ADI1: variants seen among roughly 807,000 people sequenced by gnomAD.
ADI1 encodes the protein acireductone dioxygenase.
ADI1 carries 21 observed loss-of-function variants against 18.7 expected under a neutral mutation model. The observed-to-expected ratio is 1.13, with a 90% CI of 0.80 to 1.62. The LOEUF (loss-of-function observed/expected upper bound fraction) is 1.62, where lower values mean the gene tolerates loss of function less well. Ranked by LOEUF, ADI1 falls within the 40% of genes most tolerant of loss-of-function variation. ADI1 has a pLI of 0.00. For missense variants in ADI1, 245 were observed against 254.9 expected (o/e 0.96, Z 0.26); for synonymous variants, 90 against 100.1 (o/e 0.90, Z 0.60).
rs1667415844 is a variant in ADI1 at position 3,516,644 on chromosome 2, A to T, written c.121-2668T>A. On this transcript the variant is annotated intron_variant, in intron 1 of 3. Coordinates refer to ENST00000327435, the MANE Select transcript of ADI1 (RefSeq NM_018269.4). Reference sequence around the variant, plus strand: ...TGGACTTCTTAGCCTCTAGAACTATAAGAATTCTATAAATTGCTGTTGTTT... The same window carrying T: ...TGGACTTCTTAGCCTCTAGAACTATTAGAATTCTATAAATTGCTGTTGTTT... 3 of 823,344 alleles carry T rather than the reference A, an allele frequency of 3.6e-6. No individual in the cohort carries two copies. The African/African-American group carries it at 5.6e-5, about 15-fold the overall frequency. The allele number at this position is 823,344 out of a possible 1,614,324, so 51.0% of individuals were successfully genotyped here.
intron 1 of ADI1, chr2:3,516,173 G>A: frequency 9.8e-6 from 5 of 507,756 alleles, no homozygotes; most frequent in Non-Finnish European, 1.3e-5. Flanking sequence ...CTCATTTATA[G>A]GATTAGTGGC....
chr2:3,500,857 G>A lies in ADI1; in HGVS notation c.377C>T (p.Thr126Met), dbSNP rs752197674. 9.3e-6 allele frequency: 15 copies of A among 1,614,042 alleles called. No individual in the cohort carries two copies. The highest frequency in any genetic ancestry group is 6.6e-5 in the South Asian group (6 of 91,080). The change falls in exon 3 of 4, where the codon ACG (threonine) becomes ATG (methionine). Residue 126 changes from threonine (T) to methionine (M), a missense_variant. Coordinates refer to ENST00000327435, the MANE Select transcript of ADI1 (RefSeq NM_018269.4). ...GCGGTGATAGATCCCCGCGGGGAGC[G>A]TCACCATGTCTCCCTTCTCCATGAA... ...RIFMEKGDMVTLPAGIYHRFT... is the reference protein window; with the variant it reads ...RIFMEKGDMVMLPAGIYHRFT...
At chr2:3,510,228 C>G (rs946620438) in intron 2 of ADI1, among the ~76,000 whole-genome samples, 3 of 151,488 alleles carry the variant, frequency 2.0e-5, no homozygotes, top group African/African-American at 7.3e-5. Context: ...AGTGGGAGGA[C>G]TGCTTAAGCC....
At chr2:3,503,344 T>C (rs1667079307) in intron 2 of ADI1, among the ~76,000 whole-genome samples, 1 of 131,068 alleles carries the variant, frequency 7.6e-6, no homozygotes, top group Non-Finnish European at 1.6e-5. Flanking sequence ...CATACACACG[T>C]ACTCACACGC....
Position 3,519,430 on chromosome 2 carries a change from G to A in ADI1, c.58C>T (p.Pro20Ser). 1 of 1,372,964 alleles carries A rather than the reference G, an allele frequency of 7.3e-7. No individual in the cohort carries two copies. Among genetic ancestry groups the A allele is most frequent in the Non-Finnish European group, 9.3e-7 (1 of 1,070,212 alleles). 85.0% of individuals were successfully genotyped at this position (1,372,964 alleles called of 1,614,324 possible). Residue 20 changes from proline to serine, a missense_variant, in exon 1 of 4, where the codon CCC becomes TCC. By Grantham distance (74) the Pro-to-Ser change is moderately conservative (BLOSUM62 -1). Transcript: ENST00000327435. ...AGGCCCACTGGGCGGCCGGGGTCGGGGCGGTGGGGTTGCCGCGGGTCGCCC... is the reference window on the plus strand; with the variant it reads ...AGGCCCACTGGGCGGCCGGGGTCGGAGCGGTGGGGTTGCCGCGGGTCGCCC... ...APGDPRQPHR[P>S]DPGRPVGLEQ...
intron 1 of ADI1, chr2:3,519,166 T>G: frequency 1.4e-6 from 1 of 696,170 alleles, no homozygotes; most frequent in Non-Finnish European, 2.0e-6. Context: ...CAGGAGGCCC[T>G]GACCACCCAG....
Position 3,514,395 on chromosome 2 carries a change from T to C in ADI1, c.121-419A>G, listed in dbSNP as rs564184133. Among the ~76,000 whole-genome samples the C allele has an allele frequency of 9.8e-5, 15 of 152,336 alleles. 1 individual carries two copies. In the East Asian group the frequency reaches 2.3e-3, roughly 23 times the overall value. ...TGTTTCCATGAGCCAAAACATTGTA[T>C]GCTCTCACAGCTTGCAAATAAAACT... On this transcript the variant is annotated intron_variant, in intron 1 of 3. Transcript: ENST00000327435.
chr2:3,507,295 T>G (rs1224734789), intron 2 of ADI1, among the ~76,000 whole-genome samples: 1 of 152,152 alleles, frequency 6.6e-6, no homozygotes, highest in Non-Finnish European at 1.5e-5. Flanking sequence ...TTTCCAAAAT[T>G]AATGACAGAC....
intron 2 of ADI1, among the ~76,000 whole-genome samples, chr2:3,502,755 C>G (rs962626863): frequency 2.6e-5 from 4 of 152,126 alleles, no homozygotes; most frequent in Non-Finnish European, 4.4e-5. Flanking sequence ...CGGCGACAAA[C>G]GGAAATAACT....
At chr2:3,505,781 A>T (rs1667162514) in intron 2 of ADI1, among the ~76,000 whole-genome samples, 1 of 152,170 alleles carries the variant, frequency 6.6e-6, no homozygotes, top group African/African-American at 2.4e-5. Flanking sequence ...TGGTATTAGC[A>T]GGTGGTGTCT....
intron 2 of ADI1, among the ~76,000 whole-genome samples, chr2:3,510,748 T>C (rs1308703055): frequency 6.6e-6 from 1 of 152,216 alleles, no homozygotes; most frequent in East Asian, 1.9e-4. Context: ...AAAAATGGGT[T>C]ACCTGAATAG....
At chr2:3,509,497 T>G (rs911113633) in intron 2 of ADI1, among the ~76,000 whole-genome samples, 1 of 151,892 alleles carries the variant, frequency 6.6e-6, no homozygotes, top group Non-Finnish European at 1.5e-5. Context: ...ACACCAGAAA[T>G]AAATTAGAAA....
chr2:3,510,023 A>G (rs1322714213), intron 2 of ADI1, among the ~76,000 whole-genome samples: 1 of 151,892 alleles, frequency 6.6e-6, no homozygotes, highest in Non-Finnish European at 1.5e-5. Context: ...TATGTCTGTA[A>G]TCCCAGCTAC....
chr2:3,519,410 C>T lies in ADI1; in HGVS notation c.78G>A (p.Val26=). ...QPHRPDPGRP[V]GLEQLRRLGV... is the part of the protein sequence containing the mutation. ...CGAGCCGCCGCAGCTGCTCCAGGCC[C>T]ACTGGGCGGCCGGGGTCGGGGCGGT... is the stretch of plus-strand genomic sequence containing the variant. The change falls in exon 1 of 4, where the codon GTG becomes GTA. Residue 26 remains valine, a synonymous_variant. Coordinates refer to ENST00000327435, the MANE Select transcript of ADI1 (RefSeq NM_018269.4). 1 of 1,394,464 alleles carries T rather than the reference C, an allele frequency of 7.2e-7. No individual in the cohort carries two copies. The allele number at this position is 1,394,464 out of a possible 1,614,324, so 86.4% of individuals were successfully genotyped here. A position where few individuals can be genotyped will look rare whatever the true frequency, so the allele number is the denominator to read the frequency against.
intron 2 of ADI1, among the ~76,000 whole-genome samples, chr2:3,506,452 T>A (rs1667179480): frequency 6.6e-6 from 1 of 152,090 alleles, no homozygotes; most frequent in African/African-American, 2.4e-5. Context: ...ACCATATACA[T>A]TTGCACCCCC....
chr2:3,508,334 C>CCAAAAAAA (rs1238564378), intron 2 of ADI1, among the ~76,000 whole-genome samples: 1 of 26,922 alleles, frequency 3.7e-5, no homozygotes, highest in African/African-American at 8.2e-5. Context: ...GACTCTGTCT[C>CCAAAAAAA]AAAAAAAAAA....
In ADI1 at chr2:3,519,225, C is replaced by G. The variant is rs573772925; in HGVS notation, c.120+143G>C. The G allele has an allele frequency of 7.8e-4, 964 of 1,230,342 alleles. 3 individuals are homozygous for G. In the African/African-American group the frequency reaches 0.014, roughly 18 times the overall value. The allele number at this position is 1,230,342 out of a possible 1,614,324, so 76.2% of individuals were successfully genotyped here. ...CCACCCCAGGCACCGGGAGCCGCCA[C>G]GAACCCCCAAATCCCGCTGCTGAGC... On this transcript the variant is annotated intron_variant, in intron 1 of 3. Transcript: ENST00000327435.
intron 1 of ADI1, chr2:3,515,989 C>G: frequency 2.0e-6 from 2 of 985,168 alleles, no homozygotes; most frequent in Non-Finnish European, 2.4e-6. Flanking sequence ...ATGATATGCA[C>G]AGTACTATTT....
intron 3 of ADI1, 102 bp from the exon 4 acceptor site, chr2:3,499,184 CT>C: frequency 6.9e-7 from 1 of 1,439,216 alleles, no homozygotes; most frequent in Non-Finnish European, 9.2e-7. Context: ...GCTATAAACA[CT>C]TTACTTGCTA....
Sources: allele counts gnomAD v4.1 joint callset (sites outside exome capture counted in the v4.1 genomes callset), GRCh38; gene constraint gnomAD v4.1.1; transcripts MANE v1.5; gene names NCBI Gene and HGNC (gene_info 2026-07-23, HGNC 2026-07-21).